Variants in DPH6 observed in about 807,000 individuals in gnomAD.
DPH6 encodes diphthine--ammonia ligase.
DPH6 carries 33 observed loss-of-function variants against 38.2 expected under a neutral mutation model. The ratio of observed to expected loss-of-function variants is 0.86; its 90% CI spans 0.65 to 1.15. DPH6 has a LOEUF of 1.15. Among genes scored for constraint, DPH6 ranks in the 50% most tolerant of loss-of-function variants. The probability of loss-of-function intolerance (pLI) is 0.00; values close to 1 mark genes in which losing one functional copy is unlikely to be tolerated. For missense variants in DPH6, 325 were observed against 320.0 expected, an observed-to-expected ratio of 1.02 and a Z score of -0.12; for synonymous variants, 108 against 103.0, an observed-to-expected ratio of 1.05 and a Z score of -0.30.
chr15:35,476,088 C>T (rs1166729461), intron 3 of DPH6, among the ~76,000 whole-genome samples: 5 of 151,588 alleles, frequency 3.3e-5, no homozygotes, highest in Admixed American at 6.6e-5. Flanking sequence ...AAATATATGG[C>T]CATTTCAAAT....
At chr15:35,211,000 T>C in the DPH6 span, among the ~76,000 whole-genome samples, 3,818 of 124,514 alleles carry the variant, frequency 0.031, 66 homozygotes, top group Middle Eastern at 0.051. Context: ...TAATTGGACA[T>C]AAGTGATATG....
In DPH6 at chr15:35,398,862, G is replaced by A. The variant is rs544362173; in HGVS notation, c.567+11973C>T. 6.6e-5 allele frequency among the ~76,000 whole-genome samples: 10 copies of A among 152,272 alleles called. No individual in the cohort carries two copies. In the South Asian group the frequency reaches 2.1e-3, roughly 32 times the overall value. On this transcript the variant is annotated intron_variant, in intron 6 of 8. Transcript: ENST00000256538. ...TTGAATAGTAAGACAGACAGTTGGT[G>A]TCTGCTGAGGAATTGCTTGGTGTGT...
intron 3 of DPH6, among the ~76,000 whole-genome samples, chr15:35,274,282 C>A (rs1453884819): frequency 2.0e-5 from 3 of 152,160 alleles, no homozygotes; most frequent in African/African-American, 7.2e-5. Context: ...AAGTGTAAAA[C>A]CCAAAACCAT....
At chr15:35,416,887 C>T (rs369735136) in intron 5 of DPH6, among the ~76,000 whole-genome samples, 11 of 152,162 alleles carry the variant, frequency 7.2e-5, no homozygotes, top group Middle Eastern at 3.4e-3. Flanking sequence ...TGAAGCCACC[C>T]TGATCTTTGA....
chr15:35,226,414 G>A (rs1409001602), intron 3 of DPH6, among the ~76,000 whole-genome samples: 1 of 151,874 alleles, frequency 6.6e-6, no homozygotes, highest in African/African-American at 2.4e-5. Flanking sequence ...TGGTAATAGA[G>A]GAAAGTTTCC....
At chr15:35,527,940 G>C (rs933032044) in intron 3 of DPH6, among the ~76,000 whole-genome samples, 1 of 152,178 alleles carries the variant, frequency 6.6e-6, no homozygotes, top group Non-Finnish European at 1.5e-5. Context: ...GGGGATGAGA[G>C]ACTGGAGAAA....
intron 3 of DPH6, among the ~76,000 whole-genome samples, chr15:35,492,176 A>G (rs182563182): frequency 6.6e-6 from 1 of 152,252 alleles, no homozygotes; most frequent in African/African-American, 2.4e-5. Context: ...ACAGGCAGAG[A>G]GGAGGAATTC....
intron 5 of DPH6, among the ~76,000 whole-genome samples, chr15:35,416,389 T>C (rs1464755981): frequency 2.6e-5 from 4 of 152,052 alleles, no homozygotes; most frequent in Non-Finnish European, 5.9e-5. Flanking sequence ...CGTCAGGTGA[T>C]TTAGGTAGGT....
chr15:35,281,549 A>C (rs1480465690), intron 3 of DPH6, among the ~76,000 whole-genome samples: 1 of 152,176 alleles, frequency 6.6e-6, no homozygotes, highest in Non-Finnish European at 1.5e-5. Flanking sequence ...CAGACAACTC[A>C]TTTTCTTTTT....
intron 3 of DPH6, among the ~76,000 whole-genome samples, chr15:35,343,934 C>T (rs150710395): frequency 7.8e-4 from 119 of 152,038 alleles, no homozygotes; most frequent in African/African-American, 2.8e-3. Flanking sequence ...AGGCAGGAAG[C>T]TTTGCACAAA....
At chr15:35,317,603 GA>G (rs1276434114) in intron 3 of DPH6, among the ~76,000 whole-genome samples, 14 of 145,168 alleles carry the variant, frequency 9.6e-5, no homozygotes, top group Non-Finnish European at 1.4e-4. Context: ...AAAAAAAAAA[GA>G]AAAAAAGAAG....
intron 6 of DPH6, among the ~76,000 whole-genome samples, chr15:35,395,685 C>T (rs1018785158): frequency 6.6e-6 from 1 of 152,168 alleles, no homozygotes; most frequent in Non-Finnish European, 1.5e-5. Flanking sequence ...GTCATGTGGG[C>T]ATCTTCCATC....
At chr15:35,320,412 G>C (rs560677409) in intron 3 of DPH6, among the ~76,000 whole-genome samples, 1 of 152,124 alleles carries the variant, frequency 6.6e-6, no homozygotes, top group East Asian at 1.9e-4. Flanking sequence ...TTCTCTTTTG[G>C]GGCCCATAAG....
the DPH6 span, among the ~76,000 whole-genome samples, chr15:35,163,070 C>G: frequency 6.6e-6 from 1 of 151,822 alleles, no homozygotes; most frequent in African/African-American, 2.4e-5. Context: ...CTTTCTGGAT[C>G]CTCGGTGAGC....
chr15:35,304,403 A>G (rs2052074241), intron 3 of DPH6, among the ~76,000 whole-genome samples: 1 of 152,164 alleles, frequency 6.6e-6, no homozygotes. Context: ...ACATCCTTCA[A>G]CAGGTGAAAC....
intron 7 of DPH6, among the ~76,000 whole-genome samples, chr15:35,381,026 C>T (rs1181122653): frequency 1.4e-5 from 2 of 140,250 alleles, no homozygotes; most frequent in Non-Finnish European, 3.1e-5. Flanking sequence ...TAAGAAAATC[C>T]ACCTAGAGTT....
At chr15:35,421,919 A>G (rs1293977886) in intron 5 of DPH6, among the ~76,000 whole-genome samples, 1 of 152,062 alleles carries the variant, frequency 6.6e-6, no homozygotes, top group Non-Finnish European at 1.5e-5. Context: ...GCTGCAATAG[A>G]CTAGATGAGA....
At chr15:35,457,358 T>A (rs1595381623) in intron 3 of DPH6, among the ~76,000 whole-genome samples, 1 of 151,350 alleles carries the variant, frequency 6.6e-6, no homozygotes, top group East Asian at 2.0e-4. Flanking sequence ...CAGTTGTATT[T>A]GTTCAATAAT....
At chr15:35,507,569 A>G (rs1356982418) in intron 3 of DPH6, among the ~76,000 whole-genome samples, 1 of 152,082 alleles carries the variant, frequency 6.6e-6, no homozygotes, top group Non-Finnish European at 1.5e-5. Flanking sequence ...TAAGCAAAAC[A>G]ATTTTTCATT....
Sources: gnomAD v4.1 joint callset for allele counts (sites outside exome capture counted in the v4.1 genomes callset) on GRCh38, gnomAD v4.1.1 for gene constraint, MANE v1.5 for transcripts, NCBI Gene and HGNC (gene_info 2026-07-23, HGNC 2026-07-21) for gene names.